SPAG9: variants seen among roughly 807,000 people sequenced by gnomAD.
The protein encoded by SPAG9 is sperm associated antigen 9.
Under a neutral mutation model 166.5 loss-of-function variants are expected in SPAG9, and 35 were observed. The observed-to-expected ratio is 0.21, with a 90% CI of 0.16 to 0.28. SPAG9 has a LOEUF of 0.28. SPAG9 is among the 10% of genes least tolerant of loss of function. SPAG9 has a pLI of 1.00. For synonymous variants in SPAG9, 534 were observed against 565.5 expected (o/e 0.94, Z 0.79); for missense variants, 1,235 against 1,603.3 (o/e 0.77, Z 3.92).
chr17:51,059,783 CA>C (rs1401478314), intron 2 of SPAG9, among the ~76,000 whole-genome samples: 1 of 151,654 alleles, frequency 6.6e-6, no homozygotes, highest in African/African-American at 2.4e-5. Flanking sequence ...AACAAACAAA[CA>C]AACAAACAAA....
chr17:50,979,928 T>C lies in SPAG9; in HGVS notation c.3238-11A>G. The C allele has an allele frequency of 2.5e-6, 4 of 1,605,822 alleles. No individual in the cohort carries two copies. Among genetic ancestry groups the C allele is most frequent in the Non-Finnish European group, 3.4e-6 (4 of 1,172,848 alleles). ...TGCATCAAAAGATTTCTAGGAGAGA[T>C]TGTCCAATCACAAAGTTACTTTTGC... On this transcript the variant is annotated splice_polypyrimidine_tract_variant and intron_variant, in intron 25 of 29. Transcript: ENST00000262013.
chr17:51,099,433 C>CAA lies in SPAG9; in HGVS notation c.304-19731_304-19730dup, dbSNP rs34069450. Among the ~76,000 whole-genome samples the CAA allele has an allele frequency of 1.1e-3, 85 of 75,344 alleles. 1 individual carries two copies. Among genetic ancestry groups the CAA allele is most frequent in the African/African-American group, 1.9e-3 (33 of 17,004 alleles). The allele number at this position is 75,344 out of a possible 152,430, so 49.4% of individuals were successfully genotyped here. On this transcript the variant is annotated intron_variant, in intron 1 of 29. Transcript: ENST00000262013. ...GGGCAATAAGAGCAAAACTCTGTCT[C>CAA]AAAAAAAAAAAAAAAAAAGGAAAAA... is the stretch of plus-strand genomic sequence containing the variant.
intron 1 of SPAG9, among the ~76,000 whole-genome samples, chr17:51,115,570 G>C (rs2049262958): frequency 6.6e-6 from 1 of 152,032 alleles, no homozygotes; most frequent in Non-Finnish European, 1.5e-5. Flanking sequence ...GTGGTTCACA[G>C]TGGCAATCCC....
chr17:50,969,561 A>G (rs1340521012), intron 29 of SPAG9, among the ~76,000 whole-genome samples: 2 of 152,034 alleles, frequency 1.3e-5, no homozygotes, highest in African/African-American at 4.8e-5. Context: ...AAGATAAAGT[A>G]CAATCTTCTT....
intron 7 of SPAG9, among the ~76,000 whole-genome samples, chr17:51,020,598 C>T (rs2045902435): frequency 1.3e-5 from 2 of 152,170 alleles, no homozygotes; most frequent in African/African-American, 4.8e-5. Flanking sequence ...AAGAACTGTC[C>T]TCCCGTCTTT....
chr17:50,974,437 T>C (rs1369434386), intron 28 of SPAG9, among the ~76,000 whole-genome samples: 1 of 152,230 alleles, frequency 6.6e-6, no homozygotes, highest in African/African-American at 2.4e-5. Context: ...GCCTTGATGA[T>C]AGAAGCTTCT....
intron 2 of SPAG9, among the ~76,000 whole-genome samples, chr17:51,062,586 A>G (rs755805885): frequency 7.2e-5 from 11 of 151,958 alleles, no homozygotes; most frequent in Non-Finnish European, 1.2e-4. Flanking sequence ...AGGTTACTCC[A>G]TATCTTTTTT....
chr17:51,063,273 G>A (rs1292164728), intron 2 of SPAG9, among the ~76,000 whole-genome samples: 3 of 151,846 alleles, frequency 2.0e-5, no homozygotes, highest in South Asian at 4.2e-4. Context: ...TTAGCTGGGC[G>A]TGGTGGTGCA....
At chr17:51,083,580 T>C (rs2048229764) in intron 1 of SPAG9, among the ~76,000 whole-genome samples, 1 of 145,148 alleles carries the variant, frequency 6.9e-6, no homozygotes, top group Non-Finnish European at 1.5e-5. Flanking sequence ...TATTTATTTA[T>C]TTAAGATGTA....
Position 51,120,385 on chromosome 17 carries a change from C to A in SPAG9, c.272G>T (p.Arg91Leu). 1.2e-6 allele frequency: 2 copies of A among 1,607,048 alleles called. No homozygotes were observed. Among genetic ancestry groups the A allele is most frequent in the Non-Finnish European group, 1.7e-6 (2 of 1,177,306 alleles). Residue 91 changes from arginine to leucine, a missense_variant, in exon 1 of 30, where the codon CGG becomes CTG. By Grantham distance (102) the Arg-to-Leu change is moderately radical. Transcript: ENST00000262013. This position sits in a 1 kb window ranked among gnomAD's most constrained non-coding sequence, Gnocchi z 4.7. ...DNEQLITQYE[R>L]EKALRKHAEE... ...AGCGTGCTTGCGCAGCGCCTTCTCC[C>A]GCTCGTACTGGGTGATGAGCTGCTC... is the stretch of plus-strand genomic sequence containing the variant.
intron 4 of SPAG9, chr17:51,046,876 T>C: frequency 6.5e-7 from 1 of 1,526,768 alleles, no homozygotes; most frequent in Non-Finnish European, 8.8e-7. Context: ...CTAGCATTTA[T>C]GCAGCAACCC....
chr17:51,032,767 T>C (rs2046429557), intron 5 of SPAG9, among the ~76,000 whole-genome samples: 1 of 151,912 alleles, frequency 6.6e-6, no homozygotes, highest in South Asian at 2.1e-4. Context: ...GAAACTTGTC[T>C]CTACTAAAAA....
rs1478471513 is a variant in SPAG9, at chr17:50,964,559, G to C, written c.*1713C>G. ...GCTGAGATCGCACCACTGCATTCCA[G>C]CCTGGGCAACAGAGCCAGACTCCGT... On this transcript the variant is annotated 3_prime_UTR_variant, in exon 30 of 30. Coordinates refer to ENST00000262013, the MANE Select transcript of SPAG9 (RefSeq NM_001130528.3). 1 of 233,050 alleles carries C rather than the reference G, an allele frequency of 4.3e-6. No individual in the cohort carries two copies. Among genetic ancestry groups the C allele is most frequent in the African/African-American group, 2.6e-5 (1 of 37,978 alleles). The allele number at this position is 233,050 out of a possible 1,614,324, so 14.4% of individuals were successfully genotyped here.
At chr17:51,041,000 T>G (rs757538855) in intron 5 of SPAG9, among the ~76,000 whole-genome samples, 61 of 152,220 alleles carry the variant, frequency 4.0e-4, no homozygotes, top group Non-Finnish European at 4.3e-4. Context: ...GTCAAGAACA[T>G]ATCTATAATT....
At chr17:51,073,134 T>C (rs988386800) in intron 2 of SPAG9, among the ~76,000 whole-genome samples, 12 of 152,132 alleles carry the variant, frequency 7.9e-5, no homozygotes, top group Non-Finnish European at 4.4e-5. Flanking sequence ...GAGGCCAGCC[T>C]GGCTAACACG....
At chr17:51,077,089 GCTATCTATCTAGCTAGCTAT>G (rs1568065795) in intron 2 of SPAG9, among the ~76,000 whole-genome samples, 21 of 67,382 alleles carry the variant, frequency 3.1e-4, no homozygotes, top group African/African-American at 7.6e-4. Context: ...TATCTAGCTA[GCTATCTATCTAGCTAGCTAT>G]CTAGCTATCT....
At chr17:51,043,091 T>C (rs189637158) in intron 4 of SPAG9, among the ~76,000 whole-genome samples, 13 of 152,292 alleles carry the variant, frequency 8.5e-5, no homozygotes, top group African/African-American at 2.9e-4. Context: ...GGTTTCACCA[T>C]GTTGGCCAGG....
chr17:51,070,262 A>G (rs569205985), intron 2 of SPAG9, among the ~76,000 whole-genome samples: 1 of 152,312 alleles, frequency 6.6e-6, no homozygotes, highest in East Asian at 1.9e-4. Flanking sequence ...AAGCTTCCTA[A>G]GAGAGAATCA....
rs1404520886 is a variant in SPAG9, at chr17:50,986,637, C to T, written c.2939+475G>A. Among the ~76,000 whole-genome samples the T allele has an allele frequency of 3.3e-5, 5 of 152,220 alleles. No individual in the cohort carries two copies. In the East Asian group the frequency reaches 9.7e-4, roughly 29 times the overall value. ...TCCACACAACCGGAAAGTGAACAAACCATATAATATTAGTCATCATCATCT... is the reference window on the plus strand; with the variant it reads ...TCCACACAACCGGAAAGTGAACAAATCATATAATATTAGTCATCATCATCT... On this transcript the variant is annotated intron_variant, in intron 22 of 29. Transcript: ENST00000262013.
Sources: allele counts gnomAD v4.1 joint callset (sites outside exome capture counted in the v4.1 genomes callset), GRCh38; gene constraint gnomAD v4.1.1; non-coding constraint Gnocchi (gnomAD v3.1); transcripts MANE v1.5; gene names NCBI Gene and HGNC (gene_info 2026-07-23, HGNC 2026-07-21).